DPP10: variants seen among roughly 807,000 people sequenced by gnomAD.
DPP10 encodes the protein dipeptidyl peptidase like 10, also known as inactive dipeptidyl peptidase 10.
DPP10 carries 33 observed loss-of-function variants against 120.9 expected under a neutral mutation model. The observed-to-expected ratio is 0.27, with a 90% CI of 0.21 to 0.37. The LOEUF is 0.37. Ranked by LOEUF, DPP10 falls within the 10% of genes least tolerant of loss-of-function variation. The pLI is 1.00. For missense variants in DPP10, 816 were observed against 942.8 expected, an observed-to-expected ratio of 0.87 and a Z score of 1.76; for synonymous variants, 337 against 326.1, an observed-to-expected ratio of 1.03 and a Z score of -0.36.
At chr2:115,715,717 G>A (rs2092472250) in intron 7 of DPP10, among the ~76,000 whole-genome samples, 1 of 152,100 alleles carries the variant, frequency 6.6e-6, no homozygotes, top group Non-Finnish European at 1.5e-5. Flanking sequence ...CCGCACAATT[G>A]TACACATGCA....
At chr2:115,536,127 G>A (rs1478627313) in intron 5 of DPP10, among the ~76,000 whole-genome samples, 1 of 151,870 alleles carries the variant, frequency 6.6e-6, no homozygotes, top group Non-Finnish European at 1.5e-5. Flanking sequence ...CACAAAAAAA[G>A]AAGATAGAAA....
At chr2:115,497,882 T>C (rs115313908) in intron 3 of DPP10, among the ~76,000 whole-genome samples, 2 of 152,006 alleles carry the variant, frequency 1.3e-5, no homozygotes, top group African/African-American at 4.8e-5. Flanking sequence ...AAAATAAATA[T>C]TTATTGTTTA....
intron 4 of DPP10, among the ~76,000 whole-genome samples, chr2:115,521,813 C>T (rs973846434): frequency 1.6e-4 from 25 of 152,064 alleles, no homozygotes; most frequent in African/African-American, 5.6e-4. Context: ...CCTGATTTTG[C>T]TTCTTTCTTG....
chr2:114,513,393 C>A (rs62173077), intron 1 of DPP10, among the ~76,000 whole-genome samples: 3,562 of 151,672 alleles, frequency 0.023, 73 homozygotes, highest in Admixed American at 0.027. Context: ...TGGTGGTGGG[C>A]ACCTGTAATC....
At chr2:115,147,656 A>ATG in intron 1 of DPP10, among the ~76,000 whole-genome samples, 1 of 152,252 alleles carries the variant, frequency 6.6e-6, no homozygotes. Flanking sequence ...GCGTGGCAGA[A>ATG]TGGTAGTGTG....
chr2:115,317,127 ATC>A (rs2061833171), intron 2 of DPP10, among the ~76,000 whole-genome samples: 1 of 151,930 alleles, frequency 6.6e-6, no homozygotes, highest in Non-Finnish European at 1.5e-5. Flanking sequence ...AAACATATTC[ATC>A]ACCCCAAAAG....
chr2:114,868,063 C>T, intron 1 of DPP10, among the ~76,000 whole-genome samples: 1 of 152,214 alleles, frequency 6.6e-6, no homozygotes. Context: ...TAGATATTCT[C>T]TTCTTGTAAC....
chr2:114,792,516 T>A lies in DPP10; in HGVS notation c.60+349678T>A, dbSNP rs557009179. On this transcript the variant is annotated intron_variant, in intron 1 of 25. Transcript: ENST00000410059. ...CTGAGTCGGATATCTTCAAGCCTGCTTGCAAGGTTGGCCCTTGGCTGCCAT... is the reference window on the plus strand; with the variant it reads ...CTGAGTCGGATATCTTCAAGCCTGCATGCAAGGTTGGCCCTTGGCTGCCAT... Among the ~76,000 whole-genome samples the A allele has an allele frequency of 8.5e-5, 13 of 152,350 alleles. No individual in the cohort carries two copies. The South Asian group carries it at 2.5e-3, about 29-fold the overall frequency.
chr2:115,131,134 G>A (rs2050335156), intron 1 of DPP10: 1 of 152,216 alleles, frequency 6.6e-6, no homozygotes, highest in Admixed American at 6.5e-5. Flanking sequence ...GGATAGAAAG[G>A]TGAGTAATTC....
chr2:114,881,008 G>T (rs1231979777), intron 1 of DPP10, among the ~76,000 whole-genome samples: 1 of 152,130 alleles, frequency 6.6e-6, no homozygotes, highest in African/African-American at 2.4e-5. Flanking sequence ...CAGTGTGACT[G>T]CAAGTGTGAC....
intron 1 of DPP10, among the ~76,000 whole-genome samples, chr2:114,466,658 A>G (rs1679406330): frequency 6.6e-6 from 1 of 152,236 alleles, no homozygotes; most frequent in African/African-American, 2.4e-5. Flanking sequence ...GGAGCATAGA[A>G]TAGGTGCTGG....
intron 1 of DPP10, among the ~76,000 whole-genome samples, chr2:114,773,900 TTTGATATTTCAAA>T (rs1400686080): frequency 6.6e-6 from 1 of 152,056 alleles, no homozygotes; most frequent in African/African-American, 2.4e-5. Flanking sequence ...ATATATACTT[TTTGATATTTCAAA>T]TAGATATCAA....
intron 7 of DPP10, among the ~76,000 whole-genome samples, chr2:115,701,883 C>T (rs1055444041): frequency 6.6e-6 from 1 of 151,928 alleles, no homozygotes; most frequent in Non-Finnish European, 1.5e-5. Flanking sequence ...GAAGTTTGAT[C>T]TTAATATGAA....
chr2:115,761,657 A>AT (rs1454370482), intron 11 of DPP10, among the ~76,000 whole-genome samples: 4 of 151,900 alleles, frequency 2.6e-5, no homozygotes, highest in Admixed American at 6.6e-5. Flanking sequence ...ATTCAGTTAG[A>AT]TTTTTTTTGA....
At chr2:115,403,242 A>C (rs1457065436) in intron 3 of DPP10, among the ~76,000 whole-genome samples, 3 of 151,944 alleles carry the variant, frequency 2.0e-5, no homozygotes, top group Non-Finnish European at 4.4e-5. Context: ...TATACGGAAA[A>C]AATGTACTTC....
chr2:115,215,675 A>G (rs558930250), intron 1 of DPP10, among the ~76,000 whole-genome samples: 241 of 152,278 alleles, frequency 1.6e-3, no homozygotes, highest in African/African-American at 5.6e-3. Flanking sequence ...ATGTATTAAT[A>G]CAACCCCTAT....
chr2:115,223,544 T>C (rs1559268387), intron 1 of DPP10, among the ~76,000 whole-genome samples: 1 of 152,148 alleles, frequency 6.6e-6, no homozygotes, highest in Non-Finnish European at 1.5e-5. Context: ...GTTAATAGTT[T>C]TAATAAACTG....
At chr2:115,437,615 G>T (rs972237461) in intron 3 of DPP10, among the ~76,000 whole-genome samples, 1 of 152,030 alleles carries the variant, frequency 6.6e-6, no homozygotes, top group Non-Finnish European at 1.5e-5. Context: ...ATTGAAAAAC[G>T]ATGCTGGATA....
intron 3 of DPP10, among the ~76,000 whole-genome samples, chr2:115,369,562 T>C (rs1332166912): frequency 1.3e-5 from 2 of 152,086 alleles, no homozygotes; most frequent in Admixed American, 1.3e-4. Context: ...TGTGGGCAAA[T>C]ATTTCCAGTA....
Sources: allele counts gnomAD v4.1 joint callset (sites outside exome capture counted in the v4.1 genomes callset), GRCh38; gene constraint gnomAD v4.1.1; transcripts MANE v1.5; gene names NCBI Gene and HGNC (gene_info 2026-07-23, HGNC 2026-07-21).